The following KLHDC10 variants were observed in gnomAD, a reference collection of about 807,000 sequenced individuals.
KLHDC10 encodes kelch domain containing 10, also known as kelch domain-containing protein 10.
KLHDC10 carries 24 observed loss-of-function variants against 56.1 expected under a neutral mutation model. The ratio of observed to expected loss-of-function variants is 0.43; its 90% CI spans 0.31 to 0.60. KLHDC10 has a LOEUF of 0.60. Ranked by LOEUF, KLHDC10 falls within the 20% of genes least tolerant of loss-of-function variation. KLHDC10 has a pLI of 0.11. For synonymous variants in KLHDC10, 188 were observed against 207.1 expected, an observed-to-expected ratio of 0.91 and a Z score of 0.79; for missense variants, 349 against 567.0, an observed-to-expected ratio of 0.62 and a Z score of 3.91.
At chr7:130,128,919 T>TATATACAC (rs1292651924) in intron 8 of KLHDC10, among the ~76,000 whole-genome samples, 22 of 115,700 alleles carry the variant, frequency 1.9e-4, no homozygotes, top group African/African-American at 6.0e-4. Context: ...TATATATATA[T>TATATACAC]ACATACTAGC....
intron 7 of KLHDC10, 38 bp downstream of exon 7, chr7:130,125,969 CAT>C (rs1219599126): frequency 1.5e-6 from 2 of 1,367,182 alleles, no homozygotes; most frequent in Non-Finnish European, 2.0e-6. Flanking sequence ...CTTTAACAAA[CAT>C]GTATTATACT....
At chr7:130,107,287 T>C (rs897364916) in intron 2 of KLHDC10, among the ~76,000 whole-genome samples, 7 of 152,230 alleles carry the variant, frequency 4.6e-5, no homozygotes, top group Non-Finnish European at 1.0e-4. Flanking sequence ...GAAGTACACA[T>C]ATTGGAAAAG....
At chr7:130,126,736 A>T (rs1796321289) in intron 7 of KLHDC10, among the ~76,000 whole-genome samples, 1 of 152,190 alleles carries the variant, frequency 6.6e-6, no homozygotes, top group Non-Finnish European at 1.5e-5. Context: ...AATTCTCCTT[A>T]GCGATTGAGC....
intron 1 of KLHDC10, among the ~76,000 whole-genome samples, chr7:130,094,059 G>A (rs1027286910): frequency 6.6e-6 from 1 of 152,002 alleles, no homozygotes; most frequent in Admixed American, 6.6e-5. Context: ...GAGTAGCTGG[G>A]TTTACAGGCA....
At chr7:130,101,008 A>C (rs543248089) in intron 2 of KLHDC10, among the ~76,000 whole-genome samples, 1 of 144,244 alleles carries the variant, frequency 6.9e-6, no homozygotes. Context: ...TAAAAAAAAA[A>C]AACAAAAAAA....
At chr7:130,119,207 CAAA>C (rs34509008) in intron 3 of KLHDC10, among the ~76,000 whole-genome samples, 3 of 123,270 alleles carry the variant, frequency 2.4e-5, no homozygotes, top group East Asian at 2.6e-4. Flanking sequence ...GACTCCAACT[CAAA>C]AAAAAAAAAA....
At chr7:130,128,889 A>AAATATAT in intron 8 of KLHDC10, among the ~76,000 whole-genome samples, 83 of 66,944 alleles carry the variant, frequency 1.2e-3, no homozygotes, top group South Asian at 2.2e-3. Context: ...AAAAAAAAAA[A>AAATATAT]ATATATATAT....
intron 2 of KLHDC10, among the ~76,000 whole-genome samples, chr7:130,115,605 C>T (rs1796155986): frequency 6.7e-6 from 1 of 148,474 alleles, no homozygotes; most frequent in South Asian, 2.1e-4. Flanking sequence ...ATCCCAGCTA[C>T]TTGGGAGGCT....
chr7:130,105,086 AGACT>A (rs1170117138), intron 2 of KLHDC10, among the ~76,000 whole-genome samples: 1 of 152,248 alleles, frequency 6.6e-6, no homozygotes, highest in Non-Finnish European at 1.5e-5. Flanking sequence ...TACATTAAAA[AGACT>A]GACAGTGGCA....
Position 130,099,955 on chromosome 7 carries a change from A to G in KLHDC10, c.253+2948A>G, listed in dbSNP as rs538030355. Among the ~76,000 whole-genome samples the G allele has an allele frequency of 6.6e-5, 10 of 152,200 alleles. No individual in the cohort carries two copies. In the South Asian group the frequency reaches 2.1e-3, roughly 32 times the overall value. On this transcript the variant is annotated intron_variant, in intron 2 of 9. Transcript: ENST00000335420. ...ATACACACACATGCACGCATGTACA[A>G]TTAGCCGGGTGTGGTGGGGGCATGC... is the stretch of plus-strand genomic sequence containing the variant.
At chr7:130,078,604 T>C (rs1157858573) in intron 1 of KLHDC10, among the ~76,000 whole-genome samples, 6 of 151,522 alleles carry the variant, frequency 4.0e-5, no homozygotes, top group Non-Finnish European at 8.8e-5. Flanking sequence ...CTGCAACCTC[T>C]GCCTCCCGGG....
intron 2 of KLHDC10, among the ~76,000 whole-genome samples, chr7:130,106,602 T>G (rs1796010677): frequency 6.6e-6 from 1 of 152,212 alleles, no homozygotes; most frequent in South Asian, 2.1e-4. Context: ...TTAATAAAAT[T>G]TGATATTTAA....
At chr7:130,103,471 T>C (rs932029503) in intron 2 of KLHDC10, among the ~76,000 whole-genome samples, 1 of 148,764 alleles carries the variant, frequency 6.7e-6, no homozygotes, top group Admixed American at 6.7e-5. Flanking sequence ...ATGCCTTTCA[T>C]GTATAAAGGA....
intron 2 of KLHDC10, 91 bp downstream of exon 2, chr7:130,097,098 A>T (rs991326188): frequency 1.2e-6 from 1 of 848,338 alleles, no homozygotes; most frequent in Admixed American, 2.5e-5. Flanking sequence ...GGTTTTTAAA[A>T]ATCATCTAAA....
intron 1 of KLHDC10, among the ~76,000 whole-genome samples, chr7:130,094,029 T>TTC (rs1238962977): frequency 1.3e-5 from 2 of 152,124 alleles, no homozygotes; most frequent in Non-Finnish European, 2.9e-5. Context: ...GTTCCAGCAA[T>TTC]TCTCCTGTCT....
At chr7:130,079,878 C>T (rs35777013) in intron 1 of KLHDC10, among the ~76,000 whole-genome samples, 34,983 of 123,998 alleles carry the variant, frequency 0.28, 5,810 homozygotes, top group African/African-American at 0.32. Context: ...TTCTTCCTCC[C>T]TCCCTCCCTT....
In KLHDC10 at chr7:130,070,576, A is replaced by T; in HGVS notation, c.-68A>T. 7.9e-7 allele frequency: 1 copy of T among 1,263,068 alleles called. No individual in the cohort carries two copies. Among genetic ancestry groups the T allele is most frequent in the Non-Finnish European group, 1.0e-6 (1 of 996,690 alleles). 78.2% of individuals were successfully genotyped at this position (1,263,068 alleles called of 1,614,324 possible). On this transcript the variant is annotated 5_prime_UTR_variant, in exon 1 of 10. The change creates a new upstream start codon in the 5' untranslated region. Coordinates refer to ENST00000335420, the MANE Select transcript of KLHDC10 (RefSeq NM_014997.4). ...CCTGGGTCTCTGGAGGAGCCCAGGA[A>T]GGAGGCTCCGCTGGTTCCGCTGGGT...
At position 130,134,026 on chromosome 7, in the gene KLHDC10, C is replaced by T. The variant is rs931029035; in HGVS notation, c.*3280C>T. 2.6e-5 allele frequency: 4 copies of T among 152,158 alleles called. No individual in the cohort carries two copies. Among genetic ancestry groups the T allele is most frequent in the Non-Finnish European group, 4.4e-5 (3 of 68,026 alleles). The allele number at this position is 152,158 out of a possible 1,614,324, so 9.4% of individuals were successfully genotyped here. ...TTTTAAAGCATAATAAGCATATTAA[C>T]ATTTTTAAGCAAAAGATACGTTAAC... is the stretch of plus-strand genomic sequence containing the variant. On this transcript the variant is annotated 3_prime_UTR_variant, in exon 10 of 10. Coordinates refer to ENST00000335420, the MANE Select transcript of KLHDC10 (RefSeq NM_014997.4).
chr7:130,100,150 G>A (rs946240021), intron 2 of KLHDC10, among the ~76,000 whole-genome samples: 2 of 151,394 alleles, frequency 1.3e-5, no homozygotes, highest in African/African-American at 4.9e-5. Flanking sequence ...ATATAAGGAA[G>A]TGGAAGTGAA....
Sources: gnomAD v4.1 joint callset for allele counts (sites outside exome capture counted in the v4.1 genomes callset) on GRCh38, gnomAD v4.1.1 for gene constraint, MANE v1.5 for transcripts, NCBI Gene and HGNC (gene_info 2026-07-23, HGNC 2026-07-21) for gene names.